The following GIMD1 variants were observed in gnomAD, a reference collection of about 807,000 sequenced individuals.
GIMD1 encodes GTPase IMAP family member GIMD1.
GIMD1 carries 14 observed loss-of-function variants against 14.9 expected under a neutral mutation model. The observed-to-expected ratio is 0.94, with a 90% CI of 0.62 to 1.47. The LOEUF (loss-of-function observed/expected upper bound fraction) is 1.47. Ranked by LOEUF, GIMD1 falls within the 40% of genes most tolerant of loss-of-function variation. The probability of loss-of-function intolerance (pLI) is 0.00; values close to 1 mark genes in which losing one functional copy is unlikely to be tolerated. For synonymous variants in GIMD1, 91 were observed against 90.5 expected (o/e 1.01, Z -0.03); for missense variants, 272 against 255.3 (o/e 1.07, Z -0.44).
At chr4:106,365,226 G>T (rs1561041391) in intron 2 of GIMD1, among the ~76,000 whole-genome samples, 2 of 152,020 alleles carry the variant, frequency 1.3e-5, no homozygotes, top group South Asian at 2.1e-4. Context: ...GAGGCTTGTG[G>T]GCTTTCTTAG....
At chr4:106,363,152 A>G (rs1201920087) in intron 2 of GIMD1, among the ~76,000 whole-genome samples, 2 of 152,168 alleles carry the variant, frequency 1.3e-5, no homozygotes, top group Non-Finnish European at 2.9e-5. Context: ...AAACCTAAAA[A>G]ACACTATTTC....
intron 2 of GIMD1, among the ~76,000 whole-genome samples, chr4:106,359,904 CT>C (rs1336474654): frequency 1.3e-5 from 2 of 151,980 alleles, no homozygotes; most frequent in African/African-American, 4.8e-5. Flanking sequence ...TACAGTCTGG[CT>C]TTTATCAGAT....
chr4:106,359,301 G>C (rs909302826), intron 2 of GIMD1, among the ~76,000 whole-genome samples: 1 of 151,698 alleles, frequency 6.6e-6, no homozygotes, highest in Admixed American at 6.6e-5. Flanking sequence ...CCTCCATTCC[G>C]AACACTCCTA....
At chr4:106,366,521 G>C (rs942280700) in intron 2 of GIMD1, among the ~76,000 whole-genome samples, 1 of 152,140 alleles carries the variant, frequency 6.6e-6, no homozygotes, top group Admixed American at 6.5e-5. Flanking sequence ...CTTTGATGCT[G>C]AATGGATGCA....
At chr4:106,361,667 A>G (rs548206320) in intron 2 of GIMD1, among the ~76,000 whole-genome samples, 132 of 152,244 alleles carry the variant, frequency 8.7e-4, no homozygotes, top group Non-Finnish European at 1.7e-3. Context: ...ACAAATTATT[A>G]AATAGCTACT....
At chr4:106,366,051 G>A (rs113971893) in intron 2 of GIMD1, among the ~76,000 whole-genome samples, 4 of 151,880 alleles carry the variant, frequency 2.6e-5, no homozygotes, top group African/African-American at 9.7e-5. Flanking sequence ...CTGTGAATAA[G>A]CCTCCAACTT....
rs905218834 is a variant in GIMD1, at chr4:106,367,297, A to G, written c.139T>C (p.Cys47Arg). The G allele has an allele frequency of 6.5e-7, 1 of 1,535,996 alleles. No homozygotes were observed. Among genetic ancestry groups the G allele is most frequent in the South Asian group, 1.2e-5 (1 of 84,064 alleles). ...AGGTGACAACTGCGGCCCAGGCTAC[A>G]ACATGTGGTCACAGAACAGGGAGCA... ...SFAPCSVTTC[C>R]SLGRSCHLHS... The change falls in exon 2 of 3, where the codon TGT becomes CGT. Residue 47 changes from cysteine (C) to arginine (R), a missense_variant. Cys to Arg is a radical substitution (Grantham distance 180, BLOSUM62 -3). Coordinates refer to ENST00000638719, the MANE Select transcript of GIMD1 (RefSeq NM_001195138.2).
intron 2 of GIMD1, among the ~76,000 whole-genome samples, chr4:106,361,039 A>T (rs1207315048): frequency 6.6e-6 from 1 of 152,110 alleles, no homozygotes; most frequent in African/African-American, 2.4e-5. Flanking sequence ...GATCATTTGC[A>T]TCAGAATCAC....
chr4:106,359,826 C>T lies in GIMD1; in HGVS notation c.394-1383G>A, dbSNP rs1028751456. Among the ~76,000 whole-genome samples, 6 of 151,872 alleles carry T rather than the reference C, an allele frequency of 4.0e-5. No individual in the cohort carries two copies. The East Asian group carries it at 1.2e-3, about 30-fold the overall frequency. Reference sequence around the variant, plus strand: ...TAGGTAAATCTAACATGAAAATACTCGTGAGAACTACGGGACAAAACATTT... The same window carrying T: ...TAGGTAAATCTAACATGAAAATACTTGTGAGAACTACGGGACAAAACATTT... On this transcript the variant is annotated intron_variant, in intron 2 of 2. Coordinates refer to ENST00000638719, the MANE Select transcript of GIMD1 (RefSeq NM_001195138.2).
intron 1 of GIMD1, among the ~76,000 whole-genome samples, chr4:106,368,133 A>C (rs926502669): frequency 9.9e-5 from 15 of 152,114 alleles, no homozygotes; most frequent in African/African-American, 3.6e-4. Context: ...AATCATCTCT[A>C]TGTTCCATTA....
At position 106,358,384 on chromosome 4, in the gene GIMD1, T is replaced by A. The variant is rs1457801865; in HGVS notation, c.453A>T (p.Lys151Asn). 2.6e-6 allele frequency: 4 copies of A among 1,531,448 alleles called. No homozygotes were observed. The highest frequency in any genetic ancestry group is 1.7e-6 in the Non-Finnish European group (2 of 1,144,956). 94.9% of individuals were successfully genotyped at this position (1,531,448 alleles called of 1,614,324 possible). A position where few individuals can be genotyped will look rare whatever the true frequency, so the allele number is the denominator to read the frequency against. ...YTAILFTHAE[K>N]IEEAGLTEDK... ...CTTCAGTAAGCCCAGCCTCTTCTAT[T>A]TTTTCTGCATGGGTAAAAAGAATGG... Residue 151 changes from lysine (K) to asparagine (N), a missense_variant, in exon 3 of 3, where the codon AAA becomes AAT. Physicochemically the swap from Lys to Asn is moderately conservative, Grantham distance 94. Transcript: ENST00000638719.
At chr4:106,366,614 G>T (rs1226649723) in intron 2 of GIMD1, among the ~76,000 whole-genome samples, 1 of 152,098 alleles carries the variant, frequency 6.6e-6, no homozygotes, top group East Asian at 1.9e-4. Flanking sequence ...AGATATGCAG[G>T]CTCCACTCCT....
rs559681230 is a variant in GIMD1, at chr4:106,363,913, G to A, written c.393+3130C>T. ...GGGGGGGGGCGGAAATGGACCATAG[G>A]CAATACCTAGGTACAATTCCTACTG... On this transcript the variant is annotated intron_variant, in intron 2 of 2. Transcript: ENST00000638719. Among the ~76,000 whole-genome samples, 43 of 149,096 alleles carry A rather than the reference G, an allele frequency of 2.9e-4. 1 individual carries two copies. The highest frequency in any genetic ancestry group is 6.2e-4 in the Non-Finnish European group (42 of 67,458).
chr4:106,360,305 C>T (rs983792787), intron 2 of GIMD1, among the ~76,000 whole-genome samples: 3 of 151,878 alleles, frequency 2.0e-5, no homozygotes, highest in Non-Finnish European at 4.4e-5. Context: ...TCTATTCCTT[C>T]TAAAAATACC....
intron 2 of GIMD1, among the ~76,000 whole-genome samples, chr4:106,359,792 G>A (rs1770588178): frequency 6.6e-6 from 1 of 151,694 alleles, no homozygotes; most frequent in African/African-American, 2.4e-5. Flanking sequence ...AGGAAAGAAG[G>A]AATCTGGATA....
At chr4:106,363,908 C>G (rs1300567189) in intron 2 of GIMD1, among the ~76,000 whole-genome samples, 1 of 146,252 alleles carries the variant, frequency 6.8e-6, no homozygotes, top group Non-Finnish European at 1.5e-5. Context: ...GGAAATGGAC[C>G]ATAGGCAATA....
At chr4:106,365,943 AC>A in intron 2 of GIMD1, among the ~76,000 whole-genome samples, 2 of 90,546 alleles carry the variant, frequency 2.2e-5, no homozygotes, top group African/African-American at 9.5e-5. Context: ...ACACGTACAC[AC>A]ACACACACAC....
chr4:106,367,138 A>T lies in GIMD1; in HGVS notation c.298T>A (p.Phe100Ile). The change falls in exon 2 of 3, where the codon TTC becomes ATC. Residue 100 changes from phenylalanine to isoleucine, a missense_variant. Coordinates refer to ENST00000638719, the MANE Select transcript of GIMD1 (RefSeq NM_001195138.2). ...GCAAGGTGGAGACCCCCTTGCCCGAAGTGATGTGCCAGAGCCTCTTTGACT... is the reference window on the plus strand; with the variant it reads ...GCAAGGTGGAGACCCCCTTGCCCGATGTGATGTGCCAGAGCCTCTTTGACT... ...QEVKEALAHH[F>I]GQGGLHLALL... 1 of 1,535,540 alleles carries T rather than the reference A, an allele frequency of 6.5e-7. No homozygotes were observed. The highest frequency in any genetic ancestry group is 8.7e-7 in the Non-Finnish European group (1 of 1,146,590).
intron 2 of GIMD1, among the ~76,000 whole-genome samples, chr4:106,364,955 C>T (rs1770672523): frequency 6.6e-6 from 1 of 152,180 alleles, no homozygotes; most frequent in Non-Finnish European, 1.5e-5. Flanking sequence ...ACCTTTTGGG[C>T]TCAGCATAGG....
Sources: allele counts gnomAD v4.1 joint callset (sites outside exome capture counted in the v4.1 genomes callset), GRCh38; gene constraint gnomAD v4.1.1; transcripts MANE v1.5; gene names NCBI Gene and HGNC (gene_info 2026-07-23, HGNC 2026-07-21).